Variants in KCNT2 observed in about 807,000 individuals in gnomAD.
KCNT2 encodes potassium channel subfamily T member 2.
KCNT2 carries 67 observed loss-of-function variants against 153.8 expected under a neutral mutation model. The ratio of observed to expected loss-of-function variants is 0.44; its 90% CI spans 0.36 to 0.53. KCNT2 has a LOEUF of 0.53. Ranked by LOEUF, KCNT2 falls within the 20% of genes least tolerant of loss-of-function variation. The pLI is 0.00. For synonymous variants in KCNT2, 500 were observed against 458.8 expected (o/e 1.09, Z -1.15); for missense variants, 975 against 1,354.8 (o/e 0.72, Z 4.40).
intron 1 of KCNT2, among the ~76,000 whole-genome samples, chr1:196,559,459 T>C (rs1312903561): frequency 6.6e-6 from 1 of 151,754 alleles, no homozygotes; most frequent in Non-Finnish European, 1.5e-5. Flanking sequence ...TCATTTCAGA[T>C]ACGTTCTTAG....
At chr1:196,446,361 T>C (rs573877070) in intron 8 of KCNT2, among the ~76,000 whole-genome samples, 24 of 151,578 alleles carry the variant, frequency 1.6e-4, no homozygotes, top group African/African-American at 5.5e-4. Flanking sequence ...TTAGCAATTA[T>C]CAATGTCATA....
At chr1:196,394,783 A>G (rs1351394709) in intron 13 of KCNT2, among the ~76,000 whole-genome samples, 1 of 151,580 alleles carries the variant, frequency 6.6e-6, no homozygotes, top group East Asian at 1.9e-4. Context: ...TCTGATGCTT[A>G]TATCTTTTAC....
At chr1:196,537,902 GTCTGC>G (rs1655807472) in intron 1 of KCNT2, among the ~76,000 whole-genome samples, 1 of 152,160 alleles carries the variant, frequency 6.6e-6, no homozygotes, top group Non-Finnish European at 1.5e-5. Flanking sequence ...GTGAACCCAG[GTCTGC>G]ATTCACAGCA....
intron 22 of KCNT2, among the ~76,000 whole-genome samples, chr1:196,299,894 A>T (rs548139131): frequency 3.3e-5 from 5 of 152,244 alleles, no homozygotes; most frequent in Non-Finnish European, 5.9e-5. Context: ...TGTGATATGT[A>T]TACACAACGG....
chr1:196,407,022 T>A (rs1038178191), intron 12 of KCNT2, among the ~76,000 whole-genome samples: 3 of 151,490 alleles, frequency 2.0e-5, no homozygotes, highest in African/African-American at 7.3e-5. Flanking sequence ...TTCTGAAAGC[T>A]GAAACACTGT....
chr1:196,498,099 C>A (rs1680397206), intron 1 of KCNT2, among the ~76,000 whole-genome samples: 1 of 151,578 alleles, frequency 6.6e-6, no homozygotes. Context: ...TCCTTTTATT[C>A]TTTTGTTCTG....
chr1:196,397,425 C>A (rs755534261), intron 13 of KCNT2, among the ~76,000 whole-genome samples: 1 of 151,378 alleles, frequency 6.6e-6, no homozygotes, highest in African/African-American at 2.4e-5. Context: ...TTTCACAAAG[C>A]CTTCTACAAA....
chr1:196,309,483 C>T (rs1661954292), intron 21 of KCNT2, among the ~76,000 whole-genome samples: 1 of 151,770 alleles, frequency 6.6e-6, no homozygotes, highest in Non-Finnish European at 1.5e-5. Flanking sequence ...TTAAATAAGA[C>T]AACATAATTT....
At chr1:196,442,562 A>T (rs535283729) in intron 8 of KCNT2, among the ~76,000 whole-genome samples, 1 of 151,832 alleles carries the variant, frequency 6.6e-6, no homozygotes, top group Admixed American at 6.6e-5. Context: ...TGACCTAAGC[A>T]GGTGGTTCGG....
intron 2 of KCNT2, among the ~76,000 whole-genome samples, chr1:196,490,794 T>A (rs1203476708): frequency 6.6e-6 from 1 of 151,848 alleles, no homozygotes; most frequent in African/African-American, 2.4e-5. Context: ...GCATTATCTT[T>A]CCTGTAATTA....
chr1:196,340,800 A>C (rs1269505788), intron 15 of KCNT2, among the ~76,000 whole-genome samples: 2 of 152,064 alleles, frequency 1.3e-5, no homozygotes, highest in Non-Finnish European at 2.9e-5. Flanking sequence ...GAAGAACATA[A>C]GAAACATGAG....
At chr1:196,296,387 A>G (rs1182417654) in intron 22 of KCNT2, among the ~76,000 whole-genome samples, 2 of 152,016 alleles carry the variant, frequency 1.3e-5, no homozygotes, top group Non-Finnish European at 2.9e-5. Context: ...CAGTTTGATT[A>G]TAACAATGAA....
intron 25 of KCNT2, among the ~76,000 whole-genome samples, chr1:196,272,216 A>G (rs1278980545): frequency 3.3e-5 from 5 of 151,918 alleles, no homozygotes; most frequent in African/African-American, 1.2e-4. Flanking sequence ...AAGAGGATAG[A>G]GTAGCTTAAA....
intron 14 of KCNT2, among the ~76,000 whole-genome samples, chr1:196,353,329 A>G (rs1666901695): frequency 6.6e-6 from 1 of 151,848 alleles, no homozygotes; most frequent in Non-Finnish European, 1.5e-5. Flanking sequence ...GTGGATGCAT[A>G]ACCACTGTGC....
At chr1:196,411,949 A>C (rs1259401771) in intron 12 of KCNT2, among the ~76,000 whole-genome samples, 1 of 151,762 alleles carries the variant, frequency 6.6e-6, no homozygotes, top group Non-Finnish European at 1.5e-5. Context: ...TATATTTTTA[A>C]GTTCTTTATT....
chr1:196,309,171 G>T (rs966577645), intron 21 of KCNT2, among the ~76,000 whole-genome samples: 3 of 151,924 alleles, frequency 2.0e-5, no homozygotes, highest in African/African-American at 7.2e-5. Context: ...GAGATATCAG[G>T]CTAGAGATAG....
At chr1:196,516,192 A>T (rs1008386963) in intron 1 of KCNT2, among the ~76,000 whole-genome samples, 8 of 152,146 alleles carry the variant, frequency 5.3e-5, no homozygotes, top group African/African-American at 1.7e-4. Flanking sequence ...CCAGCCAGTC[A>T]TGAGTAGCAT....
chr1:196,581,904 C>A (rs1336777951), intron 1 of KCNT2, among the ~76,000 whole-genome samples: 3 of 152,062 alleles, frequency 2.0e-5, no homozygotes, highest in Non-Finnish European at 4.4e-5. Context: ...GGATAATAGG[C>A]ATCACAAATG....
intron 1 of KCNT2, among the ~76,000 whole-genome samples, chr1:196,601,311 A>T (rs1390946587): frequency 6.6e-6 from 1 of 152,166 alleles, no homozygotes; most frequent in Non-Finnish European, 1.5e-5. Flanking sequence ...CTCTCATAAC[A>T]TTGTGCCATT....
Sources: allele counts gnomAD v4.1 joint callset (sites outside exome capture counted in the v4.1 genomes callset), GRCh38; gene constraint gnomAD v4.1.1; transcripts MANE v1.5; gene names NCBI Gene and HGNC (gene_info 2026-07-23, HGNC 2026-07-21).